Variants in PBX3 observed in about 807,000 individuals in gnomAD.
PBX3 encodes PBX homeobox 3, also known as pre-B-cell leukemia transcription factor 3.
In PBX3, 14 loss-of-function variants were observed where a neutral mutation model predicts 48.5. That is an observed-to-expected ratio of 0.29 (90% CI 0.19 to 0.45). The LOEUF (loss-of-function observed/expected upper bound fraction) is 0.45. Among genes scored for constraint, PBX3 ranks in the 20% least tolerant of loss-of-function variants. The pLI, the probability that PBX3 is intolerant of heterozygous loss-of-function variation, is 1.00. For missense variants in PBX3, 386 were observed against 546.7 expected (o/e 0.71, Z 2.93); for synonymous variants, 210 against 200.3 (o/e 1.05, Z -0.41).
rs535879158 is a variant in PBX3, at chr9:125,885,646, T to C, written c.275-30040T>C. ...CCTATTACTCGCGAAGGTAGTTGTT[T>C]AGAAGAGAGAATGTTCTCCCTGGAA... On this transcript the variant is annotated intron_variant, in intron 2 of 8. Coordinates refer to ENST00000373489, the MANE Select transcript of PBX3 (RefSeq NM_006195.6). Among the ~76,000 whole-genome samples the C allele has an allele frequency of 2.0e-5, 3 of 152,282 alleles. No homozygotes were observed. The South Asian group carries it at 6.2e-4, about 32-fold the overall frequency.
intron 2 of PBX3, among the ~76,000 whole-genome samples, chr9:125,840,339 G>T (rs1246906553): frequency 6.6e-6 from 1 of 151,826 alleles, no homozygotes; most frequent in African/African-American, 2.4e-5. Context: ...TGTTCTTCTG[G>T]TCAGATGTAA....
intron 2 of PBX3, among the ~76,000 whole-genome samples, chr9:125,899,907 A>G (rs987897786): frequency 6.2e-5 from 5 of 80,898 alleles, no homozygotes; most frequent in African/African-American, 2.6e-4. Context: ...GAATAAAGAA[A>G]AGAGCCCCCC....
intron 2 of PBX3, among the ~76,000 whole-genome samples, chr9:125,770,829 A>G (rs1836922338): frequency 6.6e-6 from 1 of 152,232 alleles, no homozygotes; most frequent in Non-Finnish European, 1.5e-5. Context: ...CTCTTTGGCA[A>G]ATCTTTCACA....
intron 2 of PBX3, among the ~76,000 whole-genome samples, chr9:125,877,450 G>A (rs1397795552): frequency 6.6e-6 from 1 of 152,132 alleles, no homozygotes; most frequent in Non-Finnish European, 1.5e-5. Context: ...ACACCAGATG[G>A]CATTAGCTCT....
rs140154381 is a variant in PBX3, at chr9:125,854,051, C to T, written c.275-61635C>T. Among the ~76,000 whole-genome samples, 997 of 152,224 alleles carry T rather than the reference C, an allele frequency of 6.5e-3. 10 individuals are homozygous for T. The highest frequency in any genetic ancestry group is 8.1e-3 in the Non-Finnish European group (554 of 68,008). On this transcript the variant is annotated intron_variant, in intron 2 of 8. Coordinates refer to ENST00000373489, the MANE Select transcript of PBX3 (RefSeq NM_006195.6). ...ACACATACACATGCACAACATGGCA[C>T]TGTAATCGGAATCTCTGGAGAGCAC...
At position 125,839,771 on chromosome 9, in the gene PBX3, G is replaced by GA. The variant is rs1839237539; in HGVS notation, c.275-75911dup. On this transcript the variant is annotated intron_variant, in intron 2 of 8. Coordinates refer to ENST00000373489, the MANE Select transcript of PBX3 (RefSeq NM_006195.6). Reference sequence around the variant, plus strand: ...ATGAAAGGCCGAGGAAAGCAAAAGAGAAAAGGGATACTGTTGGGATATGAT... The same window carrying GA: ...ATGAAAGGCCGAGGAAAGCAAAAGAGAAAAAGGGATACTGTTGGGATATGAT... Among the ~76,000 whole-genome samples the GA allele has an allele frequency of 2.0e-5, 3 of 152,308 alleles. No individual in the cohort carries two copies. The South Asian group carries it at 6.2e-4, about 32-fold the overall frequency.
At chr9:125,869,142 A>C (rs1840057043) in intron 2 of PBX3, among the ~76,000 whole-genome samples, 1 of 152,208 alleles carries the variant, frequency 6.6e-6, no homozygotes, top group Admixed American at 6.5e-5. Context: ...TAAAAGTAAT[A>C]AGACAGATGT....
rs544403702 is a variant in PBX3, at chr9:125,753,356, T to C, written c.274+4733T>C. On this transcript the variant is annotated intron_variant, in intron 2 of 8. Transcript: ENST00000373489. ...TTGTAGGAGGTTTTCAGAGAAGTTG[T>C]AAAAGAAAGGGATTTTTCTACTTCT... is the stretch of plus-strand genomic sequence containing the variant. Among the ~76,000 whole-genome samples the C allele has an allele frequency of 2.2e-3, 327 of 152,088 alleles. 1 individual carries two copies. Among genetic ancestry groups the C allele is most frequent in the African/African-American group, 7.5e-3 (312 of 41,532 alleles).
chr9:125,836,232 T>G (rs577606324), intron 2 of PBX3, among the ~76,000 whole-genome samples: 50 of 152,152 alleles, frequency 3.3e-4, no homozygotes, highest in African/African-American at 1.2e-3. Flanking sequence ...GATCATGAGG[T>G]CAAGAGATCG....
chr9:125,832,362 A>G (rs886613851), intron 2 of PBX3, among the ~76,000 whole-genome samples: 3 of 152,044 alleles, frequency 2.0e-5, no homozygotes, highest in African/African-American at 4.8e-5. Flanking sequence ...CGCCTGTCTA[A>G]TTTTTTGAAC....
At chr9:125,748,658 C>G (rs372864838) in intron 2 of PBX3, 35 bp downstream of exon 2, 14 of 1,566,724 alleles carry the variant, frequency 8.9e-6, no homozygotes, top group Non-Finnish European at 1.1e-5. Flanking sequence ...GCCTGGAGAC[C>G]CCCGAGGTGG....
Position 125,966,869 on chromosome 9 carries a change from CTCTT to C in PBX3, c.*951_*954del, listed in dbSNP as rs890609064. 66 of 152,728 alleles carry C rather than the reference CTCTT, an allele frequency of 4.3e-4. No individual in the cohort carries two copies. The highest frequency in any genetic ancestry group is 1.5e-3 in the African/African-American group (63 of 41,566). The allele number at this position is 152,728 out of a possible 1,614,324, so 9.5% of individuals were successfully genotyped here. A position where few individuals can be genotyped will look rare whatever the true frequency, so the allele number is the denominator to read the frequency against. On this transcript the variant is annotated 3_prime_UTR_variant, in exon 9 of 9. Transcript: ENST00000373489. ...GAACAATACTCACGCTGTAGTTTGT[CTCTT>C]TCTTATCTTTTTGCATCTTGTAATT...
chr9:125,820,408 A>G (rs925231979), intron 2 of PBX3, among the ~76,000 whole-genome samples: 1 of 152,188 alleles, frequency 6.6e-6, no homozygotes, highest in Non-Finnish European at 1.5e-5. Context: ...TGGGTTTTAA[A>G]AGCAAGACAA....
chr9:125,814,162 C>CAA (rs565547086), intron 2 of PBX3, among the ~76,000 whole-genome samples: 127 of 95,446 alleles, frequency 1.3e-3, no homozygotes, highest in Middle Eastern at 9.8e-3. Context: ...GACTCCATCT[C>CAA]AAAAAAAAAA....
intron 2 of PBX3, among the ~76,000 whole-genome samples, chr9:125,801,735 T>A (rs1167026891): frequency 6.6e-6 from 1 of 151,884 alleles, no homozygotes; most frequent in Admixed American, 6.6e-5. Context: ...GTTCTTCACC[T>A]AGTTTTGTAA....
rs1842551088 is a variant in PBX3, at chr9:125,967,152, T to C, written c.*1229T>C. 6.6e-6 allele frequency: 1 copy of C among 152,270 alleles called. No homozygotes were observed. The highest frequency in any genetic ancestry group is 2.1e-4 in the South Asian group (1 of 4,816). 9.4% of individuals were successfully genotyped at this position (152,270 alleles called of 1,614,324 possible). A position where few individuals can be genotyped will look rare whatever the true frequency, so the allele number is the denominator to read the frequency against. On this transcript the variant is annotated 3_prime_UTR_variant, in exon 9 of 9. Coordinates refer to ENST00000373489, the MANE Select transcript of PBX3 (RefSeq NM_006195.6). ...TCAGATTTCAGTATTCAGTACTGTA[T>C]ATTTCACCCTGTGTAATGGGGCCCC...
intron 2 of PBX3, among the ~76,000 whole-genome samples, chr9:125,877,023 T>A (rs1045536345): frequency 6.6e-6 from 1 of 152,008 alleles, no homozygotes; most frequent in Non-Finnish European, 1.5e-5. Context: ...CTGCCTGCCT[T>A]GGCCTCCCAA....
intron 2 of PBX3, among the ~76,000 whole-genome samples, chr9:125,817,325 A>G (rs1011086294): frequency 6.6e-6 from 1 of 152,260 alleles, no homozygotes; most frequent in Non-Finnish European, 1.5e-5. Flanking sequence ...ATCTTCTTCA[A>G]GAGTATTTGC....
chr9:125,932,829 T>C (rs1564179495), intron 4 of PBX3, among the ~76,000 whole-genome samples: 1 of 152,334 alleles, frequency 6.6e-6, no homozygotes, highest in Non-Finnish European at 1.5e-5. Flanking sequence ...GAAGAGAAAG[T>C]GTATTAACAG....
Sources: allele counts gnomAD v4.1 joint callset (sites outside exome capture counted in the v4.1 genomes callset), GRCh38; gene constraint gnomAD v4.1.1; transcripts MANE v1.5; gene names NCBI Gene and HGNC (gene_info 2026-07-23, HGNC 2026-07-21).